CCDC138: variants seen among roughly 807,000 people sequenced by gnomAD.
CCDC138 encodes coiled-coil domain containing 138, also known as coiled-coil domain-containing protein 138.
A neutral mutation model predicts 82.3 loss-of-function variants in CCDC138; 66 were observed. The ratio of observed to expected loss-of-function variants is 0.80; its 90% CI spans 0.66 to 0.98. The LOEUF (loss-of-function observed/expected upper bound fraction) is 0.98. Ranked by LOEUF, CCDC138 falls within the 50% of genes least tolerant of loss-of-function variation. The pLI is 0.00. For synonymous variants in CCDC138, 297 were observed against 265.4 expected, an observed-to-expected ratio of 1.12 and a Z score of -1.16; for missense variants, 816 against 758.9, an observed-to-expected ratio of 1.08 and a Z score of -0.88.
At chr2:108,871,998 C>G (rs1337050798) in intron 13 of CCDC138, among the ~76,000 whole-genome samples, 1 of 152,140 alleles carries the variant, frequency 6.6e-6, no homozygotes. Flanking sequence ...TAATTCCCCT[C>G]TCTCACACGT....
At chr2:108,795,105 C>T (rs1680641064) in intron 5 of CCDC138, among the ~76,000 whole-genome samples, 1 of 145,926 alleles carries the variant, frequency 6.9e-6, no homozygotes, top group African/African-American at 2.5e-5. Flanking sequence ...GAACTCTTAA[C>T]ATTTGCTTAT....
intron 6 of CCDC138, among the ~76,000 whole-genome samples, chr2:108,803,077 C>T (rs1682214986): frequency 6.6e-6 from 1 of 152,194 alleles, no homozygotes. Context: ...AGTTTAAAAT[C>T]CTAATGCATT....
intron 6 of CCDC138, among the ~76,000 whole-genome samples, chr2:108,800,916 T>G (rs1417547987): frequency 4.2e-5 from 5 of 118,404 alleles, no homozygotes; most frequent in Non-Finnish European, 1.8e-5. Context: ...CTGAGAATGA[T>G]GGTTTCCAGT....
intron 13 of CCDC138, among the ~76,000 whole-genome samples, chr2:108,860,496 A>G (rs1000358597): frequency 6.6e-6 from 1 of 150,406 alleles, no homozygotes; most frequent in Admixed American, 6.6e-5. Flanking sequence ...TATTATTTCA[A>G]TGCCTAGGTT....
At chr2:108,792,271 A>G (rs144535748) in intron 4 of CCDC138, among the ~76,000 whole-genome samples, 94 of 152,132 alleles carry the variant, frequency 6.2e-4, no homozygotes, top group Non-Finnish European at 1.3e-3. Context: ...TGGTGCTGGT[A>G]TTATGGTCTA....
In CCDC138 at chr2:108,876,340, A is replaced by T. The variant is rs1696021437; in HGVS notation, c.*87A>T. 2 of 685,478 alleles carry T rather than the reference A, an allele frequency of 2.9e-6. No homozygotes were observed. Among genetic ancestry groups the T allele is most frequent in the Admixed American group, 2.7e-5 (1 of 37,338 alleles). 42.5% of individuals were successfully genotyped at this position (685,478 alleles called of 1,614,324 possible). ...AAGTAACTACAATTCTACCAAGTAA[A>T]GTTATCAGTAGCATCATTTATCATG... On this transcript the variant is annotated 3_prime_UTR_variant, in exon 15 of 15. Transcript: ENST00000295124.
At position 108,841,624 on chromosome 2, in the gene CCDC138, C is replaced by G. The variant is rs539730975; in HGVS notation, c.1323+2323C>G. Among the ~76,000 whole-genome samples, 3 of 151,948 alleles carry G rather than the reference C, an allele frequency of 2.0e-5. No homozygotes were observed. In the East Asian group the frequency reaches 5.8e-4, roughly 29 times the overall value. ...TTCCCAGTCTTTTTCTTTTGACCTG[C>G]TTATATCTAGAATGAGTTTTTTTAA... is the stretch of plus-strand genomic sequence containing the variant. On this transcript the variant is annotated intron_variant, in intron 11 of 14. Coordinates refer to ENST00000295124, the MANE Select transcript of CCDC138 (RefSeq NM_144978.3).
intron 13 of CCDC138, among the ~76,000 whole-genome samples, chr2:108,858,640 C>T (rs1267973476): frequency 2.0e-5 from 3 of 151,530 alleles, no homozygotes; most frequent in Non-Finnish European, 2.9e-5. Context: ...TTTCATTTTT[C>T]TAGGTTTGAG....
At chr2:108,806,654 C>T (rs72836508) in intron 7 of CCDC138, among the ~76,000 whole-genome samples, 1,562 of 152,216 alleles carry the variant, frequency 0.01, 15 homozygotes, top group Non-Finnish European at 0.013. Context: ...TGTTCCAAAA[C>T]GACTGTATTC....
intron 10 of CCDC138, among the ~76,000 whole-genome samples, chr2:108,830,567 G>A (rs1687381841): frequency 6.6e-6 from 1 of 151,634 alleles, no homozygotes; most frequent in South Asian, 2.1e-4. Flanking sequence ...AGCACTTTGG[G>A]AGGCCGAGGC....
intron 12 of CCDC138, among the ~76,000 whole-genome samples, chr2:108,852,542 A>G (rs553139070): frequency 6.6e-6 from 1 of 152,388 alleles, no homozygotes; most frequent in South Asian, 2.1e-4. Context: ...AAAATGTGGT[A>G]CATATACACT....
intron 2 of CCDC138, 83 bp downstream of exon 2, chr2:108,788,172 A>G (rs1020611619): frequency 3.6e-5 from 51 of 1,413,618 alleles, no homozygotes; most frequent in Non-Finnish European, 4.6e-5. Context: ...TAATCCCAGC[A>G]CTTTGGGAGG....
intron 3 of CCDC138, among the ~76,000 whole-genome samples, chr2:108,791,296 A>T (rs1050592035): frequency 6.6e-6 from 1 of 152,162 alleles, no homozygotes; most frequent in African/African-American, 2.4e-5. Context: ...TCTACTCGTT[A>T]TGTCACCCAT....
chr2:108,793,395 TAAAAG>T (rs779416299), intron 4 of CCDC138, among the ~76,000 whole-genome samples: 4 of 151,860 alleles, frequency 2.6e-5, no homozygotes, highest in South Asian at 2.1e-4. Context: ...CTCTAATTGT[TAAAAG>T]AAAATAAATT....
intron 13 of CCDC138, among the ~76,000 whole-genome samples, chr2:108,865,674 A>T (rs1694303033): frequency 6.6e-6 from 1 of 152,164 alleles, no homozygotes; most frequent in Non-Finnish European, 1.5e-5. Flanking sequence ...TCAGCTTCTG[A>T]GACCATGGAG....
intron 9 of CCDC138, among the ~76,000 whole-genome samples, chr2:108,815,461 G>GTTTT (rs35206784): frequency 0.015 from 1,058 of 70,720 alleles, 15 homozygotes; most frequent in East Asian, 0.021. Context: ...GGTTTTTGGT[G>GTTTT]TTTTTTTTTT....
At chr2:108,853,127 T>C (rs538062522) in intron 12 of CCDC138, among the ~76,000 whole-genome samples, 3 of 152,208 alleles carry the variant, frequency 2.0e-5, no homozygotes, top group Non-Finnish European at 4.4e-5. Flanking sequence ...TGAGAAAAGA[T>C]AAATAGCTGA....
At chr2:108,877,225 T>C (rs2105336453), downstream of CCDC138, among the ~76,000 whole-genome samples, 1 of 152,082 alleles carries the variant, frequency 6.6e-6, no homozygotes, top group Admixed American at 6.6e-5. Context: ...CCCAGCACTC[T>C]AGGAGGCTGA....
chr2:108,811,351 G>A (rs1379476529), intron 7 of CCDC138, among the ~76,000 whole-genome samples: 4 of 143,804 alleles, frequency 2.8e-5, no homozygotes, highest in Non-Finnish European at 6.0e-5. Flanking sequence ...CTTAAACCAC[G>A]CTTCTGCTTC....
Sources: gnomAD v4.1 joint callset for allele counts (sites outside exome capture counted in the v4.1 genomes callset) on GRCh38, gnomAD v4.1.1 for gene constraint, MANE v1.5 for transcripts, NCBI Gene and HGNC (gene_info 2026-07-23, HGNC 2026-07-21) for gene names.